Variants in LARP4B observed in about 807,000 individuals in gnomAD.
LARP4B encodes la-related protein 4B.
A neutral mutation model predicts 89.8 loss-of-function variants in LARP4B; 12 were observed. That is an observed-to-expected ratio of 0.13 (90% CI 0.09 to 0.22). The LOEUF is 0.22. Ranked by LOEUF, LARP4B falls within the 10% of genes least tolerant of loss-of-function variation. LARP4B has a pLI of 1.00. For synonymous variants in LARP4B, 367 were observed against 363.3 expected (o/e 1.01, Z -0.12); for missense variants, 757 against 947.7 (o/e 0.80, Z 2.64).
At chr10:946,613 G>A in the LARP4B span, among the ~76,000 whole-genome samples, 1 of 152,138 alleles carries the variant, frequency 6.6e-6, no homozygotes, top group African/African-American at 2.4e-5. Context: ...GGGGTTGGGG[G>A]ACCCCTCTCT....
chr10:896,895 A>G (rs1836204007), intron 1 of LARP4B, among the ~76,000 whole-genome samples: 1 of 152,122 alleles, frequency 6.6e-6, no homozygotes, highest in African/African-American at 2.4e-5. Flanking sequence ...ATGTTTACAG[A>G]TGGGAAGACA....
intron 8 of LARP4B, among the ~76,000 whole-genome samples, chr10:833,279 A>AAAAAAAAAAC (rs1833017231): frequency 7.2e-6 from 1 of 139,484 alleles, no homozygotes; most frequent in Non-Finnish European, 1.6e-5. Context: ...AAAAAAAAAA[A>AAAAAAAAAAC]AAAAACCTCA....
At chr10:987,543 TG>T in the LARP4B span, 10 of 152,244 alleles carry the variant, frequency 6.6e-5, no homozygotes, top group African/African-American at 1.7e-4. Flanking sequence ...TGTGTGCCTT[TG>T]TTTCCCCATG....
chr10:818,052 A>G, intron 14 of LARP4B, 163 bp from the exon 15 acceptor site: 1 of 637,806 alleles, frequency 1.6e-6, no homozygotes, highest in Admixed American at 3.0e-5. Flanking sequence ...AACTTCAACC[A>G]TCTAGAGCAG....
intron 3 of LARP4B, chr10:870,173 G>T: frequency 3.4e-6 from 1 of 297,084 alleles, no homozygotes; most frequent in Non-Finnish European, 5.0e-6. Context: ...TTTTGTGACT[G>T]TATTAGTCCA....
chr10:900,618 CTT>C (rs907868624), intron 1 of LARP4B, among the ~76,000 whole-genome samples: 36 of 118,934 alleles, frequency 3.0e-4, no homozygotes, highest in Admixed American at 6.2e-4. Context: ...GATATATTTC[CTT>C]TTTTTTTTTT....
At chr10:819,354 TG>T (rs1359318031) in intron 14 of LARP4B, 1 of 152,200 alleles carries the variant, frequency 6.6e-6, no homozygotes, top group Non-Finnish European at 1.5e-5. Flanking sequence ...GGACTTGACT[TG>T]GAAGGCAGTG....
Position 812,578 on chromosome 10 carries a change from G to T in LARP4B, c.*348C>A. The T allele has an allele frequency of 6.2e-6, 1 of 161,080 alleles. No individual in the cohort carries two copies. The allele number at this position is 161,080 out of a possible 1,614,324, so 10.0% of individuals were successfully genotyped here. A position where few individuals can be genotyped will look rare whatever the true frequency, so the allele number is the denominator to read the frequency against. On this transcript the variant is annotated 3_prime_UTR_variant, in exon 18 of 18. Coordinates refer to ENST00000316157, the MANE Select transcript of LARP4B (RefSeq NM_015155.3). ...AAAAAAGCAGAGTTCCCTTAATTTA[G>T]AAAAACTCACTATATATAGCTTGCA...
the LARP4B span, among the ~76,000 whole-genome samples, chr10:967,828 G>A: frequency 6.6e-6 from 1 of 152,184 alleles, no homozygotes; most frequent in Non-Finnish European, 1.5e-5. Flanking sequence ...AGCCTTCCAA[G>A]TAGCTGGGAT....
At chr10:876,104 G>C (rs555894687) in intron 3 of LARP4B, among the ~76,000 whole-genome samples, 7 of 152,180 alleles carry the variant, frequency 4.6e-5, no homozygotes, top group Admixed American at 2.6e-4. Context: ...AAAAATTCCC[G>C]ACCAGGTGCG....
intron 3 of LARP4B, among the ~76,000 whole-genome samples, chr10:867,861 T>TGAA (rs1834989977): frequency 3.5e-5 from 4 of 113,240 alleles, no homozygotes; most frequent in African/African-American, 1.0e-4. Flanking sequence ...ACTCCATCCT[T>TGAA]GAAAAAAAAA....
chr10:845,107 C>G (rs1408124598), intron 5 of LARP4B, 52 bp from the exon 6 acceptor site: 23 of 1,330,222 alleles, frequency 1.7e-5, no homozygotes, highest in Non-Finnish European at 2.5e-5. Flanking sequence ...ATTTAGGAAG[C>G]AGATAATTCA....
the LARP4B span, among the ~76,000 whole-genome samples, chr10:970,851 G>A: frequency 6.6e-6 from 1 of 152,202 alleles, no homozygotes; most frequent in Non-Finnish European, 1.5e-5. Flanking sequence ...AGACTGAGAA[G>A]AGACAGTGGA....
chr10:831,029 T>C (rs756720839), intron 8 of LARP4B, 52 bp from the exon 9 acceptor site: 4 of 760,602 alleles, frequency 5.3e-6, no homozygotes, highest in Non-Finnish European at 6.5e-6. Context: ...TCAGTTTTTG[T>C]CCTCACCAAA....
intron 1 of LARP4B, among the ~76,000 whole-genome samples, chr10:886,537 A>C (rs1799232831): frequency 6.6e-6 from 1 of 152,242 alleles, no homozygotes; most frequent in Non-Finnish European, 1.5e-5. Context: ...GTCAAGACAT[A>C]GAAACCACAT....
chr10:973,400 G>A, the LARP4B span, among the ~76,000 whole-genome samples: 1 of 151,904 alleles, frequency 6.6e-6, no homozygotes, highest in Non-Finnish European at 1.5e-5. Context: ...CACCCAGGCT[G>A]GAGTGCAGTG....
chr10:873,859 C>G (rs1439618681), intron 3 of LARP4B, among the ~76,000 whole-genome samples: 1 of 152,070 alleles, frequency 6.6e-6, no homozygotes, highest in Non-Finnish European at 1.5e-5. Flanking sequence ...TTAAAATGCC[C>G]TAGCAAATAT....
Position 870,641 on chromosome 10 carries a change from G to A in LARP4B, c.142-6371C>T, listed in dbSNP as rs116650419. ...TTTGAAATGGTGTGCACGTTCACTC[G>A]TCCCACATGGACCCAGGCAGTCAGT... is the stretch of plus-strand genomic sequence containing the variant. On this transcript the variant is annotated intron_variant, in intron 3 of 17. Coordinates refer to ENST00000316157, the MANE Select transcript of LARP4B (RefSeq NM_015155.3). 6.1e-3 allele frequency among the ~76,000 whole-genome samples: 933 copies of A among 152,262 alleles called. 10 individuals are homozygous for A. The highest frequency in any genetic ancestry group is 0.021 in the African/African-American group (871 of 41,544).
chr10:924,592 T>C (rs1564448493), intron 1 of LARP4B, among the ~76,000 whole-genome samples: 1 of 152,240 alleles, frequency 6.6e-6, no homozygotes, highest in East Asian at 1.9e-4. Context: ...CCGCGTTCTC[T>C]TCCTTCAGCC....
Sources: allele counts gnomAD v4.1 joint callset (sites outside exome capture counted in the v4.1 genomes callset), GRCh38; gene constraint gnomAD v4.1.1; transcripts MANE v1.5; gene names NCBI Gene and HGNC (gene_info 2026-07-23, HGNC 2026-07-21).